THOC5: variants seen among roughly 807,000 people sequenced by gnomAD.
THOC5 encodes the protein Fms-interacting protein.
A neutral mutation model predicts 92.9 loss-of-function variants in THOC5; 43 were observed. That is an observed-to-expected ratio of 0.46 (90% CI 0.36 to 0.60). THOC5 has a LOEUF of 0.60. THOC5 is among the 20% of genes least tolerant of loss of function. The probability of loss-of-function intolerance (pLI) is 0.00; values close to 1 mark genes in which losing one functional copy is unlikely to be tolerated. For synonymous variants in THOC5, 296 were observed against 320.1 expected (o/e 0.92, Z 0.80); for missense variants, 659 against 849.4 (o/e 0.78, Z 2.79).
intron 12 of THOC5, among the ~76,000 whole-genome samples, chr22:29,524,206 T>A (rs2063499231): frequency 6.6e-6 from 1 of 152,230 alleles, no homozygotes; most frequent in Non-Finnish European, 1.5e-5. Flanking sequence ...CGAATCATAA[T>A]TCTCCACTCT....
Position 29,510,450 on chromosome 22 carries a change from T to C in THOC5, c.1988+656A>G, listed in dbSNP as rs58376410. On this transcript the variant is annotated intron_variant, in intron 19 of 19. Transcript: ENST00000490103. Reference sequence around the variant, plus strand: ...CATCTCTACAAAAAAATTTAAAAATTAGTTGCGTGTGGCGGTGCATGTCTG... The same window carrying C: ...CATCTCTACAAAAAAATTTAAAAATCAGTTGCGTGTGGCGGTGCATGTCTG... Among the ~76,000 whole-genome samples, 1,487 of 152,034 alleles carry C rather than the reference T, an allele frequency of 9.8e-3. 27 individuals are homozygous for C. The highest frequency in any genetic ancestry group is 0.034 in the African/African-American group (1,425 of 41,460).
chr22:29,517,378 C>T lies in THOC5; in HGVS notation c.1490-12G>A, dbSNP rs1324240886. On this transcript the variant is annotated splice_polypyrimidine_tract_variant and intron_variant, in intron 15 of 19. Coordinates refer to ENST00000490103, the MANE Select transcript of THOC5 (RefSeq NM_003678.5). ...CACAATGCCATGTTCTAAAAGAGAACAAGACAGATGACGTCACAGGTAGAA... is the reference window on the plus strand; with the variant it reads ...CACAATGCCATGTTCTAAAAGAGAATAAGACAGATGACGTCACAGGTAGAA... 1.2e-6 allele frequency: 2 copies of T among 1,611,878 alleles called. No homozygotes were observed. Among genetic ancestry groups the T allele is most frequent in the African/African-American group, 2.7e-5 (2 of 75,012 alleles).
chr22:29,542,730 CTCCA>C, intron 5 of THOC5, 125 bp downstream of exon 5: 1 of 568,728 alleles, frequency 1.8e-6, no homozygotes, highest in Non-Finnish European at 3.1e-6. Flanking sequence ...CGCCACTGCA[CTCCA>C]GCCTGGGTGA....
At position 29,528,106 on chromosome 22, in the gene THOC5, C is replaced by T. The variant is rs138130615; in HGVS notation, c.1038G>A (p.Leu346=). The change falls in exon 11 of 20, where the codon CTG becomes CTA. Residue 346 remains leucine (L), a synonymous_variant. Coordinates refer to ENST00000490103, the MANE Select transcript of THOC5 (RefSeq NM_003678.5). ...TGCACTTCAGGTCGAGCATGACAGA[C>T]AGTGGGTGCCTCTTCAGCATCTCCT... ...KRKEMLKRHP[L]SVMLDLKCKD... 1 of 1,614,220 alleles carries T rather than the reference C, an allele frequency of 6.2e-7. No homozygotes were observed. Among genetic ancestry groups the T allele is most frequent in the Admixed American group, 1.7e-5 (1 of 60,012 alleles).
In THOC5 at chr22:29,543,540, T is replaced by C. The variant is rs1478749917; in HGVS notation, c.243A>G (p.Ala81=). The change falls in exon 4 of 20, where the codon GCA becomes GCG. Residue 81 remains alanine (A), a splice_region_variant and synonymous_variant. Transcript: ENST00000490103. ...GGATCCTCCGTTCTTCTATTTCTAT[T>C]GCCTGTGGGCAAAGAAAACAGTAAA... ...DLKSRGGKDV[A]IEIEERRIQS... 6.2e-6 allele frequency: 10 copies of C among 1,612,174 alleles called. 1 individual carries two copies. The South Asian group carries it at 1.1e-4, about 18-fold the overall frequency.
intron 9 of THOC5, 46 bp downstream of exon 9, chr22:29,529,116 T>C (rs945305089): frequency 3.1e-6 from 5 of 1,592,268 alleles, no homozygotes; most frequent in Non-Finnish European, 4.3e-6. Context: ...TGCCCTTGGA[T>C]GGTGACCTGG....
Position 29,549,138 on chromosome 22 carries a change from C to A in THOC5, c.10G>T (p.Glu4Ter), listed in dbSNP as rs1210280856. MSS[E>*]SSKKRKPKVI... The stretch of plus-strand genomic sequence containing the variant: ...TTGGGCTTCCGTTTTTTGCTCGATT[C>A]TGATGACATGGTTGTTCCTCCTGTT... The change falls in exon 2 of 20, where the codon GAA becomes TAA. Residue 4 changes from glutamate to a stop codon, truncating the protein, a stop_gained. Coordinates refer to ENST00000490103, the MANE Select transcript of THOC5 (RefSeq NM_003678.5). LOFTEE classifies it high-confidence loss of function. 6.2e-7 allele frequency: 1 copy of A among 1,613,986 alleles called. No homozygotes were observed. Among genetic ancestry groups the A allele is most frequent in the Admixed American group, 1.7e-5 (1 of 59,984 alleles).
intron 8 of THOC5, chr22:29,531,445 G>A (rs2063653197): frequency 9.9e-7 from 1 of 1,014,112 alleles, no homozygotes; most frequent in African/African-American, 1.7e-5. Flanking sequence ...GAAAGCCTGG[G>A]AGAGCTGGCT....
chr22:29,546,291 T>C (rs2064017652), intron 2 of THOC5, among the ~76,000 whole-genome samples: 1 of 152,202 alleles, frequency 6.6e-6, no homozygotes. Flanking sequence ...GTGAGGTCTC[T>C]GACATGGCCT....
chr22:29,528,199 G>A, intron 10 of THOC5, 22 bp from the exon 11 acceptor site: 1 of 1,614,130 alleles, frequency 6.2e-7, no homozygotes, highest in Non-Finnish European at 8.5e-7. Flanking sequence ...AAAGTGCCAA[G>A]CTGATGAGCA....
intron 5 of THOC5, among the ~76,000 whole-genome samples, chr22:29,542,089 A>G (rs1298477045): frequency 6.6e-6 from 1 of 151,690 alleles, no homozygotes; most frequent in Admixed American, 6.6e-5. Flanking sequence ...GAGGAAGGAC[A>G]CTGACAAACT....
intron 5 of THOC5, among the ~76,000 whole-genome samples, chr22:29,541,879 AAAAAAAAAAAAAAAATATATAT>A (rs1477880627): frequency 1.4e-5 from 1 of 70,836 alleles, no homozygotes; most frequent in African/African-American, 4.4e-5. Context: ...AAAAAAAAAA[AAAAAAAAAAAAAAAATATATAT>A]ATATATATAT....
chr22:29,512,157 G>C, intron 17 of THOC5, 21 bp from the exon 18 acceptor site: 1 of 1,605,428 alleles, frequency 6.2e-7, no homozygotes, highest in Non-Finnish European at 8.5e-7. Flanking sequence ...AGGAGAGAGG[G>C]GAAATGCGCA....
intron 5 of THOC5, among the ~76,000 whole-genome samples, chr22:29,542,208 A>G (rs1179256899): frequency 1.3e-5 from 2 of 152,154 alleles, no homozygotes; most frequent in Admixed American, 6.5e-5. Flanking sequence ...AAACTGGGCC[A>G]AAAGGTTAAA....
At chr22:29,529,346 T>G in intron 8 of THOC5, 107 bp from the exon 9 acceptor site, 1 of 1,199,118 alleles carries the variant, frequency 8.3e-7, no homozygotes, top group Non-Finnish European at 1.2e-6. Flanking sequence ...GCCCAGCTCC[T>G]TGCTGACTAA....
At chr22:29,542,990 C>A in intron 4 of THOC5, 34 bp from the exon 5 acceptor site, 1 of 1,532,596 alleles carries the variant, frequency 6.5e-7, no homozygotes, top group Non-Finnish European at 9.0e-7. Context: ...GTGAGCAGGG[C>A]AAGTCAGGAT....
At chr22:29,551,302 C>T (rs938800808) in intron 1 of THOC5, among the ~76,000 whole-genome samples, 6 of 152,034 alleles carry the variant, frequency 3.9e-5, no homozygotes, top group African/African-American at 7.2e-5. Context: ...GGAGTGGAGG[C>T]GGGCGCCTGT....
intron 17 of THOC5, among the ~76,000 whole-genome samples, chr22:29,515,664 A>C (rs1348510234): frequency 7.8e-6 from 1 of 128,282 alleles, no homozygotes; most frequent in Non-Finnish European, 1.6e-5. Context: ...TTATCTCTAC[A>C]AAAAAAAAAA....
intron 6 of THOC5, among the ~76,000 whole-genome samples, chr22:29,537,717 C>T (rs2063788053): frequency 6.6e-6 from 1 of 151,996 alleles, no homozygotes; most frequent in African/African-American, 2.4e-5. Flanking sequence ...TGGTGAAACC[C>T]CGCTTCTACT....
Sources: gnomAD v4.1 joint callset for allele counts (sites outside exome capture counted in the v4.1 genomes callset) on GRCh38, gnomAD v4.1.1 for gene constraint, MANE v1.5 for transcripts, NCBI Gene and HGNC (gene_info 2026-07-23, HGNC 2026-07-21) for gene names.